SHTN1: variants seen among roughly 807,000 people sequenced by gnomAD.
SHTN1 encodes the protein shootin-1.
SHTN1 carries 42 observed loss-of-function variants against 83.1 expected under a neutral mutation model. The ratio of observed to expected loss-of-function variants is 0.51; its 90% CI spans 0.39 to 0.65. The LOEUF (loss-of-function observed/expected upper bound fraction) is 0.65. Ranked by LOEUF, SHTN1 falls within the 30% of genes least tolerant of loss-of-function variation. The probability of loss-of-function intolerance (pLI) is 0.00; values close to 1 mark genes in which losing one functional copy is unlikely to be tolerated. For synonymous variants in SHTN1, 224 were observed against 247.7 expected (o/e 0.90, Z 0.90); for missense variants, 622 against 737.8 (o/e 0.84, Z 1.82).
intron 2 of SHTN1, among the ~76,000 whole-genome samples, chr10:117,034,266 A>T (rs551949581): frequency 1.8e-4 from 27 of 152,320 alleles, no homozygotes; most frequent in African/African-American, 6.5e-4. Flanking sequence ...AGATGCTGTA[A>T]TCTTATATTT....
At chr10:117,038,472 T>A (rs574019622) in intron 2 of SHTN1, among the ~76,000 whole-genome samples, 1 of 151,050 alleles carries the variant, frequency 6.6e-6, no homozygotes, top group South Asian at 2.1e-4. Context: ...ACCAAAGGCA[T>A]GCTATGAAAG....
chr10:116,902,784 G>A (rs1399537803), intron 15 of SHTN1, among the ~76,000 whole-genome samples: 1 of 152,200 alleles, frequency 6.6e-6, no homozygotes, highest in East Asian at 1.9e-4. Context: ...TAGAAATAAA[G>A]TGAGAGGATA....
chr10:117,067,563 C>T (rs1853020242), intron 1 of SHTN1, among the ~76,000 whole-genome samples: 1 of 151,944 alleles, frequency 6.6e-6, no homozygotes, highest in Admixed American at 6.6e-5. Flanking sequence ...CCACTGTACT[C>T]CAGCCTGGGC....
rs754977698 is a variant in SHTN1 at position 117,110,124 on chromosome 10, C to T, written c.-189+16183G>A. Among the ~76,000 whole-genome samples, 8 of 152,108 alleles carry T rather than the reference C, an allele frequency of 5.3e-5. No homozygotes were observed. The South Asian group carries it at 6.2e-4, about 12-fold the overall frequency. On this transcript the variant is annotated intron_variant, in intron 1 of 17. Coordinates refer to the SHTN1 transcript ENST00000392901. ...TAACATCTCTCATATCCCTCAGAAC[C>T]GTATTCTTTCTGGGTATGACAAAAA... is the stretch of plus-strand genomic sequence containing the variant.
chr10:117,003,657 G>T (rs1299475880), intron 1 of SHTN1, among the ~76,000 whole-genome samples: 1 of 151,810 alleles, frequency 6.6e-6, no homozygotes. Flanking sequence ...TAGTCAGGTC[G>T]GCCTTGATTG....
At chr10:116,927,140 TTTAG>T in intron 11 of SHTN1, among the ~76,000 whole-genome samples, 1 of 152,222 alleles carries the variant, frequency 6.6e-6, no homozygotes, top group East Asian at 1.9e-4. Context: ...TACGTTTTCA[TTTAG>T]TATTTTTATT....
chr10:116,955,906 G>A (rs1345865870), intron 4 of SHTN1, among the ~76,000 whole-genome samples: 1 of 152,086 alleles, frequency 6.6e-6, no homozygotes, highest in Admixed American at 6.6e-5. Context: ...TAAAAGATGA[G>A]GCCCATCATT....
chr10:117,083,876 G>T (rs990410090), intron 1 of SHTN1, among the ~76,000 whole-genome samples: 6 of 151,618 alleles, frequency 4.0e-5, no homozygotes, highest in African/African-American at 1.5e-4. Context: ...TAGTTCTCGA[G>T]CCTTGGTTTT....
At position 117,053,760 on chromosome 10, in the gene SHTN1, T is replaced by C. The variant is rs116302309; in HGVS notation, c.-188-5250A>G. ...CTCAGCAATTCCACTCCTAAGTGTA[T>C]ACCCACAAAAAGTGAAAGTGTCAAA... On this transcript the variant is annotated intron_variant, in intron 1 of 17. Coordinates refer to the SHTN1 transcript ENST00000392901. Among the ~76,000 whole-genome samples, 1,006 of 152,274 alleles carry C rather than the reference T, an allele frequency of 6.6e-3. 7 individuals are homozygous for C. Among genetic ancestry groups the C allele is most frequent in the African/African-American group, 0.023 (948 of 41,552 alleles).
chr10:116,898,993 G>A (rs1322737260), intron 16 of SHTN1, among the ~76,000 whole-genome samples: 1 of 152,126 alleles, frequency 6.6e-6, no homozygotes, highest in Non-Finnish European at 1.5e-5. Context: ...TAGGTATAGT[G>A]TGATTTTATT....
intron 11 of SHTN1, among the ~76,000 whole-genome samples, chr10:116,923,438 AATAGAAAACAC>A (rs1848632571): frequency 6.6e-6 from 1 of 152,216 alleles, no homozygotes; most frequent in Admixed American, 6.5e-5. Context: ...GGAAGCCAGC[AATAGAAAACAC>A]ATACTTGGAG....
chr10:117,120,730 A>T (rs1210049747), intron 1 of SHTN1, among the ~76,000 whole-genome samples: 1 of 152,214 alleles, frequency 6.6e-6, no homozygotes, highest in Non-Finnish European at 1.5e-5. Flanking sequence ...TATAATTTAC[A>T]GTAATCTATG....
At chr10:117,086,248 A>G (rs1026896273) in intron 1 of SHTN1, among the ~76,000 whole-genome samples, 3 of 152,206 alleles carry the variant, frequency 2.0e-5, no homozygotes, top group African/African-American at 7.2e-5. Context: ...TCTGAAATTA[A>G]TATAGCTATG....
At chr10:116,996,102 A>G (rs975236435) in intron 1 of SHTN1, among the ~76,000 whole-genome samples, 1 of 152,206 alleles carries the variant, frequency 6.6e-6, no homozygotes, top group Non-Finnish European at 1.5e-5. Flanking sequence ...AATAGACAAA[A>G]ACTTATTTTA....
At chr10:116,954,254 G>C in intron 4 of SHTN1, 44 bp from the exon 5 acceptor site, 1 of 1,320,520 alleles carries the variant, frequency 7.6e-7, no homozygotes, top group Non-Finnish European at 1.0e-6. Flanking sequence ...GCAGCCAAAT[G>C]AGTATCTTGG....
chr10:116,979,281 G>A lies in SHTN1; in HGVS notation c.86C>T (p.Ala29Val), dbSNP rs1245818922. 1.2e-6 allele frequency: 2 copies of A among 1,613,724 alleles called. No homozygotes were observed. The highest frequency in any genetic ancestry group is 2.7e-5 in the African/African-American group (2 of 74,918). Reference protein sequence around the residue: ...QAIGEYEDLRAENQKTKEKCD... With the variant: ...QAIGEYEDLRVENQKTKEKCD... The stretch of plus-strand genomic sequence containing the variant: ...CTTCTCCTTTGTTTTCTGGTTCTCT[G>A]CTCTAAGGTCTTCATATTCGCCTAT... Residue 29 changes from alanine to valine, a missense_variant, in exon 2 of 17, where the codon GCA becomes GTA. By Grantham distance (64) the Ala-to-Val change is moderately conservative (BLOSUM62 0). Around this residue, in one of 3 missense-constraint regions of SHTN1, gnomAD observed 383 missense variants for 455.8 expected, o/e 0.84. Coordinates refer to ENST00000355371, the MANE Select transcript of SHTN1 (RefSeq NM_001127211.3).
Position 116,944,949 on chromosome 10 carries a change from T to A in SHTN1, c.686A>T (p.Lys229Met), listed in dbSNP as rs779724405. The A allele has an allele frequency of 1.2e-6, 2 of 1,611,082 alleles. No individual in the cohort carries two copies. Among genetic ancestry groups the A allele is most frequent in the South Asian group, 2.2e-5 (2 of 91,016 alleles). The change falls in exon 8 of 17, where the codon AAG (lysine) becomes ATG (methionine). Residue 229 changes from lysine to methionine, a missense_variant. By Grantham distance (95) the Lys-to-Met change is moderately conservative. Transcript: ENST00000355371. Reference protein sequence around the residue: ...VNLELEKDLRKKAESFAQEMF... With the variant: ...VNLELEKDLRMKAESFAQEMF... ...CTCTTGTGCAAATGACTCTGCTTTC[T>A]TTCGAAGGTCCTTCTCCAGCTCCAG...
intron 1 of SHTN1, among the ~76,000 whole-genome samples, chr10:117,108,139 C>T (rs1276752516): frequency 6.6e-6 from 1 of 152,166 alleles, no homozygotes; most frequent in African/African-American, 2.4e-5. Context: ...TTCTTAACCA[C>T]AATTTGAAAG....
intron 15 of SHTN1, among the ~76,000 whole-genome samples, chr10:116,905,886 CA>C (rs1847949785): frequency 6.6e-6 from 1 of 152,178 alleles, no homozygotes; most frequent in Admixed American, 6.5e-5. Flanking sequence ...AAGACACGCA[CA>C]GTTATGGGAT....
Sources: gnomAD v4.1 joint callset for allele counts (sites outside exome capture counted in the v4.1 genomes callset) on GRCh38, gnomAD v4.1.1 for gene constraint, gnomAD v4.1.1 regional missense constraint, MANE v1.5 for transcripts, NCBI Gene and HGNC (gene_info 2026-07-23, HGNC 2026-07-21) for gene names.